The following CLIC5 variants were observed in gnomAD, a reference collection of about 807,000 sequenced individuals.
CLIC5 encodes the protein CLIC family member 5, also known as chloride intracellular channel protein 5.
In CLIC5, 20 loss-of-function variants were observed where a neutral mutation model predicts 24.7. The observed-to-expected ratio is 0.81, with a 90% CI of 0.57 to 1.18. CLIC5 has a LOEUF of 1.18. CLIC5 is among the 50% of genes most tolerant of loss of function. The pLI is 0.00. For missense variants in CLIC5, 341 were observed against 326.1 expected (o/e 1.05, Z -0.35); for synonymous variants, 159 against 135.6 (o/e 1.17, Z -1.20).
intron 5 of CLIC5, among the ~76,000 whole-genome samples, chr6:45,910,222 G>A (rs1762778887): frequency 6.6e-6 from 1 of 151,958 alleles, no homozygotes; most frequent in Non-Finnish European, 1.5e-5. Context: ...TAATGATGTT[G>A]ATCAGAGGAA....
intron 1 of CLIC5, among the ~76,000 whole-genome samples, chr6:46,053,691 G>T (rs1364876647): frequency 1.3e-5 from 2 of 152,154 alleles, no homozygotes; most frequent in Non-Finnish European, 2.9e-5. Context: ...GTGCTTCTTA[G>T]CAAACTATTT....
At position 45,941,627 on chromosome 6, in the gene CLIC5, C is replaced by T. The variant is rs117204561; in HGVS notation, c.326G>A (p.Arg109Gln). 1,222 of 1,613,862 alleles carry T rather than the reference C, an allele frequency of 7.6e-4. 3 individuals carry two copies. In the East Asian group the frequency reaches 9.9e-3, roughly 13 times the overall value. ...GTCGATGCCCGCTGTGTTGGATTCC[C>T]GGTGTTTTGCAGCCAGTTTGGGGTA... Reference protein sequence around the residue: ...EKYPKLAAKHRESNTAGIDIF... With the variant: ...EKYPKLAAKHQESNTAGIDIF... The change falls in exon 4 of 6, where the codon CGG (arginine) becomes CAG (glutamine). Residue 109 changes from arginine to glutamine, a missense_variant. Physicochemically the swap from Arg to Gln is conservative, Grantham distance 43. Coordinates refer to ENST00000339561, the MANE Select transcript of CLIC5 (RefSeq NM_016929.5).
intron 1 of CLIC5, among the ~76,000 whole-genome samples, chr6:45,977,403 AC>A (rs1643401845): frequency 6.6e-6 from 1 of 151,954 alleles, no homozygotes. Context: ...ATTTCAACAA[AC>A]CCCCCAGATC....
the CLIC5 span, among the ~76,000 whole-genome samples, chr6:46,109,513 TAAAAAAAAAAAAAAAAAA>T: frequency 2.1e-5 from 1 of 47,166 alleles, no homozygotes; most frequent in African/African-American, 1.0e-4. Flanking sequence ...CAGTCTCCAC[TAAAAAAAAAAAAAAAAAA>T]AAAAAAAAAA....
chr6:46,010,198 C>G (rs952761034), intron 1 of CLIC5, among the ~76,000 whole-genome samples: 13 of 152,146 alleles, frequency 8.5e-5, no homozygotes, highest in African/African-American at 3.1e-4. Context: ...TAGGACTGAG[C>G]CTCTGACTTC....
the CLIC5 span, among the ~76,000 whole-genome samples, chr6:46,099,731 T>A: frequency 1.3e-5 from 2 of 152,200 alleles, 1 homozygote; most frequent in South Asian, 4.1e-4. Flanking sequence ...TGTATACTCT[T>A]GCCCACCTAT....
At position 45,903,200 on chromosome 6, in the gene CLIC5, C is replaced by T. The variant is rs1043716893; in HGVS notation, c.644G>A (p.Trp215Ter). The change falls in exon 6 of 6, where the codon TGG becomes TAG. Residue 215 changes from tryptophan (W) to a stop codon, truncating the protein, a stop_gained. Coordinates refer to ENST00000339561, the MANE Select transcript of CLIC5 (RefSeq NM_016929.5). LOFTEE classifies it high-confidence loss of function. ...GGCATAGGCGTTCTTGAGGTACCGC[C>T]ACAGGCCTGTCATCTCAGCCGGGAT... ...YDIPAEMTGL[W>*]RYLKNAYARD... The T allele has an allele frequency of 1.2e-6, 2 of 1,612,552 alleles. No homozygotes were observed.
chr6:45,990,477 G>C (rs532524321), intron 1 of CLIC5, among the ~76,000 whole-genome samples: 1 of 152,286 alleles, frequency 6.6e-6, no homozygotes, highest in Non-Finnish European at 1.5e-5. Context: ...TAGAAGGATG[G>C]TGGGTTTCAC....
chr6:45,911,664 A>C, intron 5 of CLIC5: 1 of 985,318 alleles, frequency 1.0e-6, no homozygotes, highest in East Asian at 1.1e-4. Context: ...TTTAAAGGGC[A>C]GAATGTTAGT....
At chr6:45,978,120 G>T (rs1183643291) in intron 1 of CLIC5, among the ~76,000 whole-genome samples, 2 of 152,174 alleles carry the variant, frequency 1.3e-5, no homozygotes, top group Non-Finnish European at 2.9e-5. Flanking sequence ...ATATGGTGTG[G>T]TACTTAAAAA....
rs555786509 is a variant in CLIC5, at chr6:46,006,587, A to G, written c.63+8893T>C. Among the ~76,000 whole-genome samples the G allele has an allele frequency of 2.0e-5, 3 of 151,804 alleles. No individual in the cohort carries two copies. The East Asian group carries it at 5.8e-4, about 29-fold the overall frequency. ...TCACATGATTTCCTTTGCCTAGGAC[A>G]TTGCATTTATTTCCTACCTCTTATT... On this transcript the variant is annotated intron_variant, in intron 1 of 5. Coordinates refer to ENST00000339561, the MANE Select transcript of CLIC5 (RefSeq NM_016929.5).
At chr6:45,928,792 G>GTA (rs1561940420) in intron 4 of CLIC5, among the ~76,000 whole-genome samples, 7 of 151,124 alleles carry the variant, frequency 4.6e-5, no homozygotes, top group East Asian at 1.9e-4. Context: ...GTGTGTGTGT[G>GTA]TGTAGAGAGA....
intron 5 of CLIC5, among the ~76,000 whole-genome samples, chr6:45,906,451 T>C (rs2127297756): frequency 6.6e-6 from 1 of 152,256 alleles, no homozygotes; most frequent in East Asian, 1.9e-4. Flanking sequence ...TAGTCCTAGA[T>C]ATTTTATTTT....
At position 45,902,310 on chromosome 6, in the gene CLIC5, C is replaced by A. The variant is rs1309137743; in HGVS notation, c.*778G>T. The A allele has an allele frequency of 6.5e-6, 1 of 152,758 alleles. No homozygotes were observed. The highest frequency in any genetic ancestry group is 1.5e-5 in the Non-Finnish European group (1 of 68,148). The allele number at this position is 152,758 out of a possible 1,614,324, so 9.5% of individuals were successfully genotyped here. The stretch of plus-strand genomic sequence containing the variant: ...CAAGCAAACCCCATGGCTGGTAGAC[C>A]CCGTGGGTATTTTGGCATCAACACT... On this transcript the variant is annotated 3_prime_UTR_variant, in exon 6 of 6. Transcript: ENST00000339561.
chr6:45,893,963 C>CAAG (rs1282342003), downstream of CLIC5, among the ~76,000 whole-genome samples: 1 of 152,220 alleles, frequency 6.6e-6, no homozygotes. Context: ...ACAACTGCCA[C>CAAG]AAGAACCAGT....
chr6:45,951,523 T>G (rs1001532721), intron 2 of CLIC5, among the ~76,000 whole-genome samples: 1 of 151,818 alleles, frequency 6.6e-6, no homozygotes, highest in Non-Finnish European at 1.5e-5. Flanking sequence ...TATCCAGGAG[T>G]GTGCTTCTGT....
intron 1 of CLIC5, among the ~76,000 whole-genome samples, chr6:46,007,145 C>A (rs991176616): frequency 2.0e-5 from 3 of 152,214 alleles, no homozygotes; most frequent in Non-Finnish European, 4.4e-5. Flanking sequence ...GGAACATCTG[C>A]ACAGGACTGG....
In CLIC5 at chr6:46,015,485, C is replaced by T. The variant is rs759500898; in HGVS notation, c.58G>A (p.Val20Met). The T allele has an allele frequency of 6.5e-7, 1 of 1,548,840 alleles. No individual in the cohort carries two copies. Among genetic ancestry groups the T allele is most frequent in the Admixed American group, 1.9e-5 (1 of 51,766 alleles). The stretch of plus-strand genomic sequence containing the variant: ...GAGACTGGACCCCGACCTACCTTCA[C>T]AAAGAGCTCGATCTCGGGGTCCCTG... ...DDRDPEIELF[V>M]KAGIDGESIG... The change falls in exon 1 of 6, where the codon GTG (valine) becomes ATG (methionine). Residue 20 changes from valine to methionine, a missense_variant. Transcript: ENST00000339561.
At chr6:46,013,827 G>C (rs1157821417) in intron 1 of CLIC5, among the ~76,000 whole-genome samples, 2 of 152,180 alleles carry the variant, frequency 1.3e-5, no homozygotes, top group Non-Finnish European at 2.9e-5. Context: ...CAAGGAATCT[G>C]AGTAAGTCCT....
Sources: allele counts gnomAD v4.1 joint callset (sites outside exome capture counted in the v4.1 genomes callset), GRCh38; gene constraint gnomAD v4.1.1; transcripts MANE v1.5; gene names NCBI Gene and HGNC (gene_info 2026-07-23, HGNC 2026-07-21).